Variants in RAB31 observed in about 807,000 individuals in gnomAD.
RAB31 encodes ras-related protein Rab-31.
Under a neutral mutation model 25.6 loss-of-function variants are expected in RAB31, and 21 were observed. The ratio of observed to expected loss-of-function variants is 0.82; its 90% CI spans 0.58 to 1.18. The LOEUF (loss-of-function observed/expected upper bound fraction) is 1.18, where lower values mean the gene tolerates loss of function less well. Ranked by LOEUF, RAB31 falls within the 50% of genes most tolerant of loss-of-function variation. The pLI is 0.00. For synonymous variants in RAB31, 87 were observed against 84.0 expected, an observed-to-expected ratio of 1.04 and a Z score of -0.20; for missense variants, 196 against 250.1, an observed-to-expected ratio of 0.78 and a Z score of 1.46.
At chr18:9,800,609 C>A (rs796765801) in intron 3 of RAB31, among the ~76,000 whole-genome samples, 5 of 152,296 alleles carry the variant, frequency 3.3e-5, no homozygotes, top group African/African-American at 1.2e-4. Context: ...AAGCTTCTGT[C>A]TCTGAGCTTT....
chr18:9,778,789 T>C (rs1329247957), intron 2 of RAB31, among the ~76,000 whole-genome samples: 2 of 152,118 alleles, frequency 1.3e-5, no homozygotes, highest in African/African-American at 4.8e-5. Context: ...AACTTTTGAC[T>C]CCCTCAGAAT....
intron 5 of RAB31, among the ~76,000 whole-genome samples, chr18:9,828,942 C>T (rs972663405): frequency 6.6e-6 from 1 of 152,126 alleles, no homozygotes; most frequent in African/African-American, 2.4e-5. Flanking sequence ...TGTGCCTGTC[C>T]GTGTTCTGCG....
At chr18:9,767,404 A>G (rs1050828433) in intron 1 of RAB31, among the ~76,000 whole-genome samples, 1 of 152,162 alleles carries the variant, frequency 6.6e-6, no homozygotes, top group Non-Finnish European at 1.5e-5. Flanking sequence ...TTACCAGTTT[A>G]CTCAAACACC....
At chr18:9,788,526 A>G (rs908112719) in intron 2 of RAB31, among the ~76,000 whole-genome samples, 1 of 152,232 alleles carries the variant, frequency 6.6e-6, no homozygotes. Flanking sequence ...TAGAACTGCC[A>G]TACAATCCAG....
At chr18:9,854,209 A>G (rs1393414890) in intron 6 of RAB31, among the ~76,000 whole-genome samples, 2 of 151,720 alleles carry the variant, frequency 1.3e-5, no homozygotes, top group Non-Finnish European at 2.9e-5. Context: ...ACTCCCACTT[A>G]TGAGTGAGAA....
At chr18:9,743,233 A>G (rs1007945238) in intron 1 of RAB31, among the ~76,000 whole-genome samples, 4 of 152,196 alleles carry the variant, frequency 2.6e-5, no homozygotes, top group Non-Finnish European at 5.9e-5. Context: ...CTGTATAGGC[A>G]TGACCAGCAC....
At position 9,759,931 on chromosome 18, in the gene RAB31, G is replaced by A. The variant is rs112594084; in HGVS notation, c.40-15347G>A. Among the ~76,000 whole-genome samples, 244 of 152,234 alleles carry A rather than the reference G, an allele frequency of 1.6e-3. 2 individuals carry two copies. The highest frequency in any genetic ancestry group is 5.6e-3 in the African/African-American group (234 of 41,544). On this transcript the variant is annotated intron_variant, in intron 1 of 6. Transcript: ENST00000578921. The stretch of plus-strand genomic sequence containing the variant: ...CAGAGGGGACAACATGGTGAGAAAA[G>A]GGGGCACCAGACTAAGGTGGTCCCC...
At chr18:9,715,820 C>A (rs748552354) in intron 1 of RAB31, among the ~76,000 whole-genome samples, 3 of 152,220 alleles carry the variant, frequency 2.0e-5, no homozygotes, top group Non-Finnish European at 4.4e-5. Flanking sequence ...GCGTGAGCCA[C>A]TGTGCCCAGC....
At chr18:9,848,948 C>A (rs1003656762) in intron 6 of RAB31, among the ~76,000 whole-genome samples, 1 of 152,176 alleles carries the variant, frequency 6.6e-6, no homozygotes, top group East Asian at 1.9e-4. Flanking sequence ...TGAAGCTACC[C>A]TGTAAAGGAT....
At chr18:9,840,874 C>T (rs781041837) in intron 5 of RAB31, among the ~76,000 whole-genome samples, 1 of 152,132 alleles carries the variant, frequency 6.6e-6, no homozygotes, top group African/African-American at 2.4e-5. Flanking sequence ...AAGCACTGTA[C>T]TGTCAAAGGA....
intron 4 of RAB31, chr18:9,814,875 A>T: frequency 3.0e-6 from 1 of 330,068 alleles, no homozygotes; most frequent in South Asian, 4.0e-5. Context: ...TATAGGAGAA[A>T]AATCACTGAT....
At chr18:9,843,045 C>T (rs1295320423) in intron 5 of RAB31, among the ~76,000 whole-genome samples, 1 of 152,216 alleles carries the variant, frequency 6.6e-6, no homozygotes, top group Non-Finnish European at 1.5e-5. Context: ...TGTGCCGCTC[C>T]TTCTTGTCCT....
rs188094332 is a variant in RAB31 at position 9,789,950 on chromosome 18, T to C, written c.120-2204T>C. 2.6e-5 allele frequency among the ~76,000 whole-genome samples: 4 copies of C among 152,288 alleles called. No individual in the cohort carries two copies. In the East Asian group the frequency reaches 7.7e-4, roughly 29 times the overall value. On this transcript the variant is annotated intron_variant, in intron 2 of 6. Transcript: ENST00000578921. ...GGATAGTGTGGGAATTGCAGTAGACTTTTCTACTTGGGACTTCGGTAGTTG... is the reference window on the plus strand; with the variant it reads ...GGATAGTGTGGGAATTGCAGTAGACCTTTCTACTTGGGACTTCGGTAGTTG...
chr18:9,774,184 C>T (rs959870416), intron 1 of RAB31, among the ~76,000 whole-genome samples: 2 of 152,104 alleles, frequency 1.3e-5, no homozygotes, highest in East Asian at 1.9e-4. Flanking sequence ...TCCCAAATAT[C>T]GGGAACTCTA....
At chr18:9,801,655 C>T (rs2068514482) in intron 3 of RAB31, among the ~76,000 whole-genome samples, 1 of 152,172 alleles carries the variant, frequency 6.6e-6, no homozygotes, top group Non-Finnish European at 1.5e-5. Flanking sequence ...AACTCTATGA[C>T]TAGCATTTAG....
chr18:9,712,813 A>G (rs1425853645), intron 1 of RAB31, among the ~76,000 whole-genome samples: 1 of 152,220 alleles, frequency 6.6e-6, no homozygotes, highest in Non-Finnish European at 1.5e-5. Context: ...GGTTGTCTTG[A>G]CAACAATTTA....
chr18:9,764,882 T>A (rs1035055352), intron 1 of RAB31, among the ~76,000 whole-genome samples: 9 of 152,194 alleles, frequency 5.9e-5, no homozygotes, highest in Non-Finnish European at 1.0e-4. Flanking sequence ...ATATTTTCCC[T>A]CATGAGGTAG....
chr18:9,754,562 G>C (rs934354504), intron 1 of RAB31, among the ~76,000 whole-genome samples: 4 of 152,164 alleles, frequency 2.6e-5, no homozygotes, highest in Non-Finnish European at 5.9e-5. Flanking sequence ...TTACAGGCGT[G>C]AGTCACTGCA....
intron 5 of RAB31, among the ~76,000 whole-genome samples, chr18:9,836,841 AAC>A (rs773765121): frequency 0.034 from 3,207 of 94,736 alleles, no homozygotes; most frequent in Non-Finnish European, 0.047. Flanking sequence ...AACGGGGGGA[AAC>A]ACACGGGGAG....
Sources: allele counts gnomAD v4.1 joint callset (sites outside exome capture counted in the v4.1 genomes callset), GRCh38; gene constraint gnomAD v4.1.1; transcripts MANE v1.5; gene names NCBI Gene and HGNC (gene_info 2026-07-23, HGNC 2026-07-21).